CASP14: variants seen among roughly 807,000 people sequenced by gnomAD.
The protein encoded by CASP14 is caspase 14.
A neutral mutation model predicts 28.4 loss-of-function variants in CASP14; 27 were observed. That is an observed-to-expected ratio of 0.95 (90% CI 0.70 to 1.31). The LOEUF (loss-of-function observed/expected upper bound fraction) is 1.31, where lower values mean the gene tolerates loss of function less well. Ranked by LOEUF, CASP14 falls within the 50% of genes most tolerant of loss-of-function variation. The probability of loss-of-function intolerance (pLI) is 0.00; values close to 1 mark genes in which losing one functional copy is unlikely to be tolerated. For synonymous variants in CASP14, 115 were observed against 118.6 expected, an observed-to-expected ratio of 0.97 and a Z score of 0.20; for missense variants, 323 against 312.8, an observed-to-expected ratio of 1.03 and a Z score of -0.25.
chr19:15,055,658 C>A, intron 6 of CASP14, 125 bp downstream of exon 6: 1 of 674,232 alleles, frequency 1.5e-6, no homozygotes, highest in Non-Finnish European at 2.6e-6. Flanking sequence ...GATCTCAATA[C>A]AGAAACTAAG....
chr19:15,054,979 T>A, intron 4 of CASP14, 179 bp from the exon 5 acceptor site: 1 of 589,270 alleles, frequency 1.7e-6, no homozygotes, highest in Non-Finnish European at 3.1e-6. Flanking sequence ...TCGCTCTGTC[T>A]CCCAGGCTAG....
chr19:15,049,684 C>CTCTCTCTG (rs1411443025), intron 1 of CASP14, 39 bp downstream of exon 1: 1 of 106,334 alleles, frequency 9.4e-6, no homozygotes, highest in African/African-American at 4.5e-5. Context: ...CTCTCTCTCT[C>CTCTCTCTG]TCTCTCTCTC....
At chr19:15,051,653 T>G (rs1259304241) in intron 1 of CASP14, among the ~76,000 whole-genome samples, 1 of 152,118 alleles carries the variant, frequency 6.6e-6, no homozygotes, top group Non-Finnish European at 1.5e-5. Context: ...ATGGAGAATG[T>G]GGACAGACAT....
In CASP14 at chr19:15,053,585, G is replaced by T. The variant is rs755436920; in HGVS notation, c.131G>T (p.Arg44Leu). The change falls in exon 3 of 7, where the codon CGG becomes CTG. Residue 44 changes from arginine (R) to leucine (L), a missense_variant. Coordinates refer to ENST00000427043, the MANE Select transcript of CASP14 (RefSeq NM_012114.3). Reference protein sequence around the residue: ...EDLDALEHMFRQLRFESTMKR... With the variant: ...EDLDALEHMFLQLRFESTMKR... ...CTGGATGCTCTGGAACACATGTTTC[G>T]GCAGCTGAGATTCGAAAGCACCATG... 6.2e-7 allele frequency: 1 copy of T among 1,614,106 alleles called. No individual in the cohort carries two copies. The highest frequency in any genetic ancestry group is 8.5e-7 in the Non-Finnish European group (1 of 1,180,034).
rs2046120348 is a variant in CASP14, at chr19:15,056,919, G to A, written c.*830G>A. ...TAAATAATTTGTCAAATGCAATACA[G>A]TAAGACAGAGGCAAGGACAAGGTTT... On this transcript the variant is annotated 3_prime_UTR_variant, in exon 7 of 7. Coordinates refer to ENST00000427043, the MANE Select transcript of CASP14 (RefSeq NM_012114.3). 2 of 152,176 alleles carry A rather than the reference G, an allele frequency of 1.3e-5. No homozygotes were observed. 9.4% of individuals were successfully genotyped at this position (152,176 alleles called of 1,614,324 possible).
At chr19:15,055,586 G>T in intron 6 of CASP14, 53 bp downstream of exon 6, 2 of 1,314,550 alleles carry the variant, frequency 1.5e-6, no homozygotes, top group Non-Finnish European at 2.2e-6. Flanking sequence ...AAGGGTGCAG[G>T]CGGAGGGGGC....
chr19:15,056,477 A>G lies in CASP14; in HGVS notation c.*388A>G, dbSNP rs1331487638. On this transcript the variant is annotated 3_prime_UTR_variant, in exon 7 of 7. Transcript: ENST00000427043. ...AGCCCACTCATCCCCTCCTACCCCA[A>G]TCCAACCTCTGCTGGCTCCTGCATC... 5.3e-6 allele frequency: 1 copy of G among 187,052 alleles called. No individual in the cohort carries two copies. Among genetic ancestry groups the G allele is most frequent in the Non-Finnish European group, 1.1e-5 (1 of 88,184 alleles). 11.6% of individuals were successfully genotyped at this position (187,052 alleles called of 1,614,324 possible).
At chr19:15,050,496 TGATG>T (rs982284832) in intron 1 of CASP14, among the ~76,000 whole-genome samples, 2 of 130,312 alleles carry the variant, frequency 1.5e-5, no homozygotes, top group East Asian at 4.7e-4. Context: ...GTGGATGGAT[TGATG>T]GATGGATGGA....
chr19:15,050,315 T>TGC (rs1383048733), intron 1 of CASP14, among the ~76,000 whole-genome samples: 1 of 132,628 alleles, frequency 7.5e-6, no homozygotes, highest in Non-Finnish European at 1.7e-5. Flanking sequence ...TGTGAGTGTG[T>TGC]GTGTGTGAGA....
At chr19:15,052,146 TC>T in intron 1 of CASP14, 59 bp from the exon 2 acceptor site, 1 of 1,279,234 alleles carries the variant, frequency 7.8e-7, no homozygotes, top group Non-Finnish European at 1.1e-6. Flanking sequence ...AGCCAGTTTG[TC>T]CCCTGAGCCC....
At chr19:15,051,328 CT>C (rs1657854827) in intron 1 of CASP14, among the ~76,000 whole-genome samples, 1 of 151,302 alleles carries the variant, frequency 6.6e-6, no homozygotes, top group African/African-American at 2.4e-5. Context: ...GAAATCCCGT[CT>C]CTACTAAAAA....
intron 4 of CASP14, 62 bp downstream of exon 4, chr19:15,054,020 C>T (rs1401815592): frequency 7.2e-7 from 1 of 1,390,168 alleles, no homozygotes; most frequent in East Asian, 2.4e-5. Context: ...TTTTTTGAGA[C>T]AGCACCCAGG....
chr19:15,051,948 G>T (rs926322412), intron 1 of CASP14, among the ~76,000 whole-genome samples: 13 of 152,076 alleles, frequency 8.5e-5, no homozygotes, highest in African/African-American at 2.9e-4. Flanking sequence ...TGGGGGCGGA[G>T]TGGGGGACAT....
In CASP14 at chr19:15,052,263, G is replaced by A. The variant is rs541885057; in HGVS notation, c.12G>A (p.Pro4=). 3.4e-5 allele frequency: 54 copies of A among 1,592,228 alleles called. No individual in the cohort carries two copies. Among genetic ancestry groups the A allele is most frequent in the African/African-American group, 6.8e-5 (5 of 74,000 alleles). ...CAACCAAAGGAGAAATGAGCAATCC[G>A]CGGTCTTTGGAAGAGGTAGGCTGGG... MSN[P]RSLEEEKYDM... The change falls in exon 2 of 7, where the codon CCG becomes CCA. Residue 4 remains proline, a synonymous_variant. Coordinates refer to ENST00000427043, the MANE Select transcript of CASP14 (RefSeq NM_012114.3).
In CASP14 at chr19:15,055,052, G is replaced by T. The variant is rs555404217; in HGVS notation, c.404-106G>T. The T allele has an allele frequency of 5.3e-4, 427 of 800,724 alleles. 4 individuals are homozygous for T. The highest frequency in any genetic ancestry group is 2.3e-3 in the South Asian group (148 of 64,916). 49.6% of individuals were successfully genotyped at this position (800,724 alleles called of 1,614,324 possible). The stretch of plus-strand genomic sequence containing the variant: ...GCTCCCAGGTTCAAGTGATCCTCCT[G>T]CTTCAGCCCCCCAAAACACTGGGAA... On this transcript the variant is annotated intron_variant, in intron 4 of 6. Coordinates refer to ENST00000427043, the MANE Select transcript of CASP14 (RefSeq NM_012114.3).
Position 15,056,463 on chromosome 19 carries a change from C to G in CASP14, c.*374C>G. On this transcript the variant is annotated 3_prime_UTR_variant, in exon 7 of 7. Transcript: ENST00000427043. ...CATAGACAAACCAAAGCCCACTCAT[C>G]CCCTCCTACCCCAATCCAACCTCTG... The G allele has an allele frequency of 5.0e-6, 1 of 200,788 alleles. No homozygotes were observed. The highest frequency in any genetic ancestry group is 1.0e-5 in the Non-Finnish European group (1 of 96,248). The allele number at this position is 200,788 out of a possible 1,614,324, so 12.4% of individuals were successfully genotyped here. A position where few individuals can be genotyped will look rare whatever the true frequency, so the allele number is the denominator to read the frequency against.
At chr19:15,050,256 C>A (rs2046083516) in intron 1 of CASP14, among the ~76,000 whole-genome samples, 1 of 151,722 alleles carries the variant, frequency 6.6e-6, no homozygotes, top group Non-Finnish European at 1.5e-5. Flanking sequence ...CCACTTCCTC[C>A]CTCACAATCT....
chr19:15,051,219 T>C (rs10406273), intron 1 of CASP14, among the ~76,000 whole-genome samples: 59,634 of 148,658 alleles, frequency 0.4, 12,003 homozygotes, highest in Middle Eastern at 0.46. Context: ...GCATTCCCGG[T>C]GGGGTGCAGT....
At chr19:15,052,641 A>G (rs754015407) in intron 2 of CASP14, among the ~76,000 whole-genome samples, 11 of 152,190 alleles carry the variant, frequency 7.2e-5, no homozygotes, top group African/African-American at 1.2e-4. Context: ...TTGACCCCCA[A>G]TATTCTTCTT....
Sources: allele counts gnomAD v4.1 joint callset (sites outside exome capture counted in the v4.1 genomes callset), GRCh38; gene constraint gnomAD v4.1.1; transcripts MANE v1.5; gene names NCBI Gene and HGNC (gene_info 2026-07-23, HGNC 2026-07-21).